KAT6B: variants seen among roughly 807,000 people sequenced by gnomAD.
KAT6B encodes the protein lysine acetyltransferase 6B.
KAT6B carries 10 observed loss-of-function variants against 187.5 expected under a neutral mutation model. That is an observed-to-expected ratio of 0.05 (90% CI 0.03 to 0.09). The LOEUF (loss-of-function observed/expected upper bound fraction) is 0.09, where lower values mean the gene tolerates loss of function less well. KAT6B is among the 10% of genes least tolerant of loss of function. KAT6B has a pLI of 1.00. For missense variants in KAT6B, 1,952 were observed against 2,558.9 expected (o/e 0.76, Z 5.12); for synonymous variants, 861 against 926.8 (o/e 0.93, Z 1.29).
At chr10:74,826,393 G>GGGATGATGGGTCGAGGGGT (rs1840221132), upstream of KAT6B, among the ~76,000 whole-genome samples, 2 of 152,262 alleles carry the variant, frequency 1.3e-5, no homozygotes, top group South Asian at 2.1e-4. Context: ...GCCGGAGGGG[G>GGGATGATGGGTCGAGGGGT]GGATGATGGG....
Position 74,834,202 on chromosome 10 carries a change from GT to G in KAT6B, c.-328-4467del, listed in dbSNP as rs779791101. On this transcript the variant is annotated intron_variant, in intron 1 of 17. Transcript: ENST00000287239. ...TTTTTTCACAGCCAACTTTATTTCT[GT>G]TTTTTTTTTTTTTGAGATGGATTCT... Among the ~76,000 whole-genome samples, 894 of 140,928 alleles carry G rather than the reference GT, an allele frequency of 6.3e-3. 31 individuals are homozygous for G. Among genetic ancestry groups the G allele is most frequent in the Admixed American group, 0.049 (692 of 14,118 alleles). 92.5% of individuals were successfully genotyped at this position (140,928 alleles called of 152,430 possible).
At chr10:74,829,311 A>G (rs912133761) in intron 1 of KAT6B, among the ~76,000 whole-genome samples, 5 of 152,244 alleles carry the variant, frequency 3.3e-5, no homozygotes, top group Non-Finnish European at 7.3e-5. Flanking sequence ...AATGTGCTTC[A>G]TAAGCTCTCA....
intron 3 of KAT6B, among the ~76,000 whole-genome samples, chr10:74,891,611 T>C (rs1396525087): frequency 6.6e-6 from 1 of 152,238 alleles, no homozygotes; most frequent in Non-Finnish European, 1.5e-5. Flanking sequence ...TGATCTGACA[T>C]TAAAAAATTA....
chr10:74,842,222 G>A (rs1416012708), intron 2 of KAT6B, among the ~76,000 whole-genome samples: 1 of 152,048 alleles, frequency 6.6e-6, no homozygotes, highest in African/African-American at 2.4e-5. Context: ...TAAGTTTAAT[G>A]TACTTTCATC....
At chr10:74,926,182 A>AGTGCT (rs1564568017) in intron 3 of KAT6B, among the ~76,000 whole-genome samples, 1 of 152,264 alleles carries the variant, frequency 6.6e-6, no homozygotes, top group Admixed American at 6.5e-5. Context: ...AGCCGGGCAC[A>AGTGCT]GTGGCTCACG....
intron 3 of KAT6B, among the ~76,000 whole-genome samples, chr10:74,902,423 C>G (rs1364811990): frequency 6.6e-6 from 1 of 151,824 alleles, no homozygotes; most frequent in African/African-American, 2.4e-5. Flanking sequence ...CATGATTTGC[C>G]CAATATAAAT....
chr10:74,918,612 G>T (rs1185045245), intron 3 of KAT6B, among the ~76,000 whole-genome samples: 3 of 152,012 alleles, frequency 2.0e-5, no homozygotes, highest in Non-Finnish European at 4.4e-5. Flanking sequence ...GTGTGGTGGT[G>T]GGCCCTTGTA....
chr10:74,845,864 T>G (rs1842064330), intron 3 of KAT6B, among the ~76,000 whole-genome samples: 1 of 147,680 alleles, frequency 6.8e-6, no homozygotes, highest in Admixed American at 6.7e-5. Context: ...TCCTACAAAT[T>G]GGATAGGACC....
At chr10:74,898,195 G>A (rs1191587386) in intron 3 of KAT6B, among the ~76,000 whole-genome samples, 3 of 152,308 alleles carry the variant, frequency 2.0e-5, no homozygotes, top group Non-Finnish European at 2.9e-5. Flanking sequence ...ATCCTCAGTG[G>A]GTCCAGGAGT....
intron 3 of KAT6B, among the ~76,000 whole-genome samples, chr10:74,901,307 C>G (rs982837094): frequency 6.6e-6 from 1 of 152,208 alleles, no homozygotes. Flanking sequence ...AACTGATTAT[C>G]TCTCACATTT....
chr10:74,838,232 G>A (rs879867773), intron 1 of KAT6B, among the ~76,000 whole-genome samples: 1 of 152,198 alleles, frequency 6.6e-6, no homozygotes, highest in African/African-American at 2.4e-5. Flanking sequence ...CTAGGTGCCT[G>A]GTGGCCTTTG....
chr10:74,879,172 A>G (rs1448100853), intron 3 of KAT6B, among the ~76,000 whole-genome samples: 2 of 152,180 alleles, frequency 1.3e-5, no homozygotes, highest in Admixed American at 6.5e-5. Context: ...GTCACTCTAC[A>G]CATTATCTGC....
chr10:74,884,996 C>G (rs947459063), intron 3 of KAT6B, among the ~76,000 whole-genome samples: 5 of 152,134 alleles, frequency 3.3e-5, no homozygotes, highest in African/African-American at 1.2e-4. Context: ...GGCTATTGAG[C>G]ACTTAAAATG....
chr10:74,923,609 G>C (rs924194083), intron 3 of KAT6B, among the ~76,000 whole-genome samples: 1 of 152,204 alleles, frequency 6.6e-6, no homozygotes, highest in Non-Finnish European at 1.5e-5. Flanking sequence ...CATGGAGAAG[G>C]AGTGTTCTAG....
intron 3 of KAT6B, among the ~76,000 whole-genome samples, chr10:74,856,379 G>A (rs1352549671): frequency 2.6e-5 from 4 of 151,966 alleles, no homozygotes; most frequent in South Asian, 2.1e-4. Flanking sequence ...GAGCCACTGC[G>A]CCTGGCCAAC....
Position 75,021,958 on chromosome 10 carries a change from G to A in KAT6B, c.3099G>A (p.Arg1033=). 1 of 1,614,180 alleles carries A rather than the reference G, an allele frequency of 6.2e-7. No individual in the cohort carries two copies. The highest frequency in any genetic ancestry group is 1.3e-5 in the African/African-American group (1 of 75,052). Residue 1033 remains arginine (R), a synonymous_variant, in exon 16 of 18, where the codon AGG becomes AGA. Coordinates refer to ENST00000287239, the MANE Select transcript of KAT6B (RefSeq NM_012330.4). The stretch of plus-strand genomic sequence containing the variant: ...TCCTGTCAACTAGAGCTAACAGTAG[G>A]CAATCACCTGCAAAAGTACAATCGA... The part of the protein sequence containing the change: ...QEILSTRANS[R]QSPAKVQSKN...
intron 3 of KAT6B, among the ~76,000 whole-genome samples, chr10:74,942,651 G>C (rs540842607): frequency 1.3e-5 from 2 of 151,424 alleles, no homozygotes; most frequent in African/African-American, 4.9e-5. Flanking sequence ...TGTAATCCCA[G>C]CTACTCGGGA....
intron 6 of KAT6B, among the ~76,000 whole-genome samples, chr10:74,971,773 T>C (rs1248104298): frequency 1.3e-5 from 2 of 152,182 alleles, no homozygotes; most frequent in Non-Finnish European, 2.9e-5. Flanking sequence ...CTGGTACTTA[T>C]AACATTTTAT....
In KAT6B at chr10:74,835,408, T is replaced by C. The variant is rs567688880; in HGVS notation, c.-328-3275T>C. Among the ~76,000 whole-genome samples the C allele has an allele frequency of 4.6e-5, 7 of 152,316 alleles. No homozygotes were observed. In the South Asian group the frequency reaches 1.0e-3, roughly 23 times the overall value. ...GGAACACTTCCTTTAAAGCGAATCT[T>C]ATGGGGAAGACAAATATATGTAAAA... On this transcript the variant is annotated intron_variant, in intron 1 of 17. Transcript: ENST00000287239.
Sources: gnomAD v4.1 joint callset for allele counts (sites outside exome capture counted in the v4.1 genomes callset) on GRCh38, gnomAD v4.1.1 for gene constraint, MANE v1.5 for transcripts, NCBI Gene and HGNC (gene_info 2026-07-23, HGNC 2026-07-21) for gene names.